Variants in SLC9B1 observed in about 807,000 individuals in gnomAD.
SLC9B1 encodes sodium/hydrogen exchanger 9B1.
A neutral mutation model predicts 51.7 loss-of-function variants in SLC9B1; 32 were observed. The observed-to-expected ratio is 0.62, with a 90% CI of 0.47 to 0.83. The LOEUF is 0.83. Among genes scored for constraint, SLC9B1 ranks in the 40% least tolerant of loss-of-function variants. The probability of loss-of-function intolerance (pLI) is 0.00; values close to 1 mark genes in which losing one functional copy is unlikely to be tolerated. For missense variants in SLC9B1, 406 were observed against 613.2 expected (o/e 0.66, Z 3.57); for synonymous variants, 145 against 212.7 (o/e 0.68, Z 2.77).
At chr4:102,973,257 T>C (rs1286969145) in intron 3 of SLC9B1, among the ~76,000 whole-genome samples, 7 of 152,086 alleles carry the variant, frequency 4.6e-5, no homozygotes, top group Admixed American at 1.3e-4. Context: ...GAAGAGTAAA[T>C]GATAAATAAA....
downstream of SLC9B1, among the ~76,000 whole-genome samples, chr4:102,896,249 C>G (rs1462742249): frequency 3.3e-5 from 5 of 152,064 alleles, no homozygotes; most frequent in Non-Finnish European, 5.9e-5. Context: ...GAGTGGTGGC[C>G]CCCTTGCCTC....
intron 11 of SLC9B1, among the ~76,000 whole-genome samples, chr4:102,903,982 A>G (rs1299621280): frequency 6.6e-6 from 1 of 152,130 alleles, no homozygotes; most frequent in Non-Finnish European, 1.5e-5. Flanking sequence ...AAAACAATAA[A>G]TGTGCATTTG....
chr4:102,971,747 C>T (rs1397525708), intron 3 of SLC9B1, among the ~76,000 whole-genome samples: 1 of 151,542 alleles, frequency 6.6e-6, no homozygotes, highest in Non-Finnish European at 1.5e-5. Context: ...ACTAGCAAAA[C>T]TAATAAAGAA....
chr4:103,003,865 A>C (rs1234560047), intron 1 of SLC9B1, among the ~76,000 whole-genome samples: 1 of 152,154 alleles, frequency 6.6e-6, no homozygotes, highest in Non-Finnish European at 1.5e-5. Flanking sequence ...TCTTCCAGAA[A>C]TGAAGCCAGC....
chr4:102,905,197 T>TTG (rs1734973198), intron 11 of SLC9B1, among the ~76,000 whole-genome samples: 1 of 92,416 alleles, frequency 1.1e-5, no homozygotes, highest in Non-Finnish European at 2.2e-5. Flanking sequence ...TACATTAAGG[T>TTG]TCTTTGTTTT....
intron 3 of SLC9B1, among the ~76,000 whole-genome samples, chr4:102,956,387 A>G (rs1186179887): frequency 6.6e-6 from 1 of 152,122 alleles, no homozygotes; most frequent in African/African-American, 2.4e-5. Flanking sequence ...CTCCACACAT[A>G]TATGGCCGAT....
chr4:103,005,295 T>C (rs1017661855), intron 1 of SLC9B1, among the ~76,000 whole-genome samples: 28 of 145,370 alleles, frequency 1.9e-4, no homozygotes, highest in Non-Finnish European at 3.9e-4. Flanking sequence ...AAAGCAGGGG[T>C]TACTGTTCTA....
intron 3 of SLC9B1, among the ~76,000 whole-genome samples, chr4:102,980,785 T>C (rs978378260): frequency 6.6e-6 from 1 of 152,170 alleles, no homozygotes; most frequent in African/African-American, 2.4e-5. Context: ...ACTTCCTCTA[T>C]GACCAACATT....
At chr4:102,934,755 C>T (rs1313594435) in intron 6 of SLC9B1, among the ~76,000 whole-genome samples, 1 of 121,760 alleles carries the variant, frequency 8.2e-6, no homozygotes, top group Non-Finnish European at 1.6e-5. Flanking sequence ...GACAGGAAGA[C>T]TCTGTCACAA....
intron 7 of SLC9B1, among the ~76,000 whole-genome samples, chr4:102,920,095 C>G (rs1298624045): frequency 6.6e-6 from 1 of 152,232 alleles, no homozygotes. Context: ...CAGACTGCCT[C>G]ATCAAGTGGG....
chr4:103,006,553 T>G (rs1740796863), intron 1 of SLC9B1, among the ~76,000 whole-genome samples: 1 of 152,150 alleles, frequency 6.6e-6, no homozygotes, highest in Non-Finnish European at 1.5e-5. Flanking sequence ...ACAGCCAAAT[T>G]CTGCCAGATA....
At chr4:102,999,790 GT>G (rs1300276524) in intron 1 of SLC9B1, among the ~76,000 whole-genome samples, 1 of 152,186 alleles carries the variant, frequency 6.6e-6, no homozygotes, top group Non-Finnish European at 1.5e-5. Flanking sequence ...AATTATGGCA[GT>G]GTCACTTGAT....
rs143189846 is a variant in SLC9B1 at position 102,932,775 on chromosome 4, A to C, written c.654-476T>G. On this transcript the variant is annotated intron_variant, in intron 6 of 11. Coordinates refer to ENST00000296422, the MANE Select transcript of SLC9B1 (RefSeq NM_139173.4). ...CCCTGAAATGGCAGATGCTGGGAGC[A>C]GGAGAGACCTCTGGGGAAACCAAAT... Among the ~76,000 whole-genome samples the C allele has an allele frequency of 1.7e-3, 262 of 152,366 alleles. 2 individuals are homozygous for C. In the East Asian group the frequency reaches 0.037, roughly 21 times the overall value.
At chr4:102,886,584 A>G (rs1366680791) in intron 11 of SLC9B1, among the ~76,000 whole-genome samples, 2 of 152,140 alleles carry the variant, frequency 1.3e-5, no homozygotes, top group Non-Finnish European at 2.9e-5. Flanking sequence ...ATGGGTTATG[A>G]GTGAATTTTT....
intron 1 of SLC9B1, 42 bp from the exon 2 acceptor site, chr4:102,991,754 C>G (rs1332688642): frequency 7.3e-7 from 1 of 1,364,796 alleles, no homozygotes; most frequent in South Asian, 1.4e-5. Context: ...AGAAACAAGA[C>G]TATAAATCCA....
chr4:102,927,149 AGAAG>A (rs1316780382), intron 7 of SLC9B1, among the ~76,000 whole-genome samples: 2 of 152,226 alleles, frequency 1.3e-5, no homozygotes, highest in African/African-American at 4.8e-5. Context: ...TAAAAACCCT[AGAAG>A]AAAACCTAGG....
intron 1 of SLC9B1, among the ~76,000 whole-genome samples, chr4:103,010,551 C>A (rs1200782508): frequency 2.0e-5 from 3 of 151,566 alleles, no homozygotes; most frequent in African/African-American, 7.3e-5. Context: ...TTATAAATAA[C>A]AAAAATTTAT....
At chr4:102,892,880 A>G (rs1332262743) in intron 11 of SLC9B1, 1 of 152,186 alleles carries the variant, frequency 6.6e-6, no homozygotes, top group African/African-American at 2.4e-5. Flanking sequence ...TAAAGATATA[A>G]ATTAATCACA....
chr4:103,004,432 T>G (rs113803600), intron 1 of SLC9B1, among the ~76,000 whole-genome samples: 4,282 of 152,240 alleles, frequency 0.028, 188 homozygotes, highest in African/African-American at 0.093. Context: ...TATGGGATTA[T>G]GTAAAGAGAA....
Sources: gnomAD v4.1 joint callset for allele counts (sites outside exome capture counted in the v4.1 genomes callset) on GRCh38, gnomAD v4.1.1 for gene constraint, MANE v1.5 for transcripts, NCBI Gene and HGNC (gene_info 2026-07-23, HGNC 2026-07-21) for gene names.